Variants in JAZF1 observed in about 807,000 individuals in gnomAD.
JAZF1 encodes the protein juxtaposed with another zinc finger protein 1.
JAZF1 carries 8 observed loss-of-function variants against 26.4 expected under a neutral mutation model. The ratio of observed to expected loss-of-function variants is 0.30; its 90% CI spans 0.18 to 0.55. The LOEUF (loss-of-function observed/expected upper bound fraction) is 0.55. Among genes scored for constraint, JAZF1 ranks in the 20% least tolerant of loss-of-function variants. JAZF1 has a pLI of 0.94. For missense variants in JAZF1, 199 were observed against 322.0 expected (o/e 0.62, Z 2.92); for synonymous variants, 126 against 122.3 (o/e 1.03, Z -0.20).
chr7:27,887,116 G>T (rs113427075), intron 3 of JAZF1, among the ~76,000 whole-genome samples: 1 of 152,086 alleles, frequency 6.6e-6, no homozygotes, highest in African/African-American at 2.4e-5. Flanking sequence ...GGGGCCTTTC[G>T]GAGGGTGGAG....
rs62449880 is a variant in JAZF1 at position 28,029,932 on chromosome 7, C to T, written c.116-37951G>A. 5.3e-5 allele frequency among the ~76,000 whole-genome samples: 8 copies of T among 152,316 alleles called. No homozygotes were observed. The East Asian group carries it at 1.5e-3, about 29-fold the overall frequency. On this transcript the variant is annotated intron_variant, in intron 1 of 4. Coordinates refer to ENST00000283928, the MANE Select transcript of JAZF1 (RefSeq NM_175061.4). Reference sequence around the variant, plus strand: ...TCAAGGGGTTGAGGTGAATGGAGCACTGGCCTCAGGTATACCTGGGTTAAA... The same window carrying T: ...TCAAGGGGTTGAGGTGAATGGAGCATTGGCCTCAGGTATACCTGGGTTAAA...
intron 1 of JAZF1, among the ~76,000 whole-genome samples, chr7:28,107,831 G>A (rs902046498): frequency 3.3e-5 from 5 of 152,154 alleles, no homozygotes; most frequent in African/African-American, 1.2e-4. Context: ...CAGACCCTAC[G>A]ATGGACCTAA....
At chr7:27,956,645 G>GCCCT (rs1785098218) in intron 2 of JAZF1, among the ~76,000 whole-genome samples, 1 of 152,138 alleles carries the variant, frequency 6.6e-6, no homozygotes, top group Admixed American at 6.5e-5. Flanking sequence ...GGAAGAAAGG[G>GCCCT]CCCTATGTGG....
intron 2 of JAZF1, among the ~76,000 whole-genome samples, chr7:27,982,312 A>C (rs545127028): frequency 1.0e-5 from 1 of 97,890 alleles, no homozygotes; most frequent in East Asian, 6.0e-4. Flanking sequence ...TATCCCGCGC[A>C]TGGCTCAGAG....
chr7:28,158,273 G>A (rs145633979), intron 1 of JAZF1, among the ~76,000 whole-genome samples: 1 of 152,014 alleles, frequency 6.6e-6, no homozygotes, highest in East Asian at 1.9e-4. Flanking sequence ...TGGTCCATAG[G>A]GGACTGACAG....
chr7:28,043,988 G>C (rs986606030), intron 1 of JAZF1, among the ~76,000 whole-genome samples: 7 of 152,132 alleles, frequency 4.6e-5, no homozygotes, highest in African/African-American at 1.7e-4. Context: ...GGGGAGGGTG[G>C]AGTAGGAAGA....
chr7:27,858,724 T>C (rs147669955), intron 3 of JAZF1, among the ~76,000 whole-genome samples: 1,678 of 152,200 alleles, frequency 0.011, 34 homozygotes, highest in African/African-American at 0.038. Flanking sequence ...TATACAAAAA[T>C]TAACTGAACA....
intron 3 of JAZF1, among the ~76,000 whole-genome samples, chr7:27,857,548 G>A (rs1173269316): frequency 3.3e-5 from 5 of 152,238 alleles, no homozygotes; most frequent in African/African-American, 1.2e-4. Context: ...GGCTGCGAGG[G>A]CTGCCAGCAT....
chr7:28,045,052 G>A (rs1016365596), intron 1 of JAZF1, among the ~76,000 whole-genome samples: 7 of 152,046 alleles, frequency 4.6e-5, no homozygotes, highest in Non-Finnish European at 1.5e-5. Flanking sequence ...CTAGCCTAAG[G>A]GGCAGGCAGG....
At chr7:27,835,473 G>A (rs1412931227) in intron 4 of JAZF1, among the ~76,000 whole-genome samples, 2 of 152,164 alleles carry the variant, frequency 1.3e-5, no homozygotes, top group East Asian at 1.9e-4. Flanking sequence ...ATGAGACTGT[G>A]AAGAAAACAG....
rs1169638277 is a variant in JAZF1, at chr7:27,900,295, ATAAT to A, written c.189-4883_189-4880del. ...CGTTATTAAAAACTAAATGACGTAAATAATTAAATCAAGTGCTTTGTTAAAAACA... is the reference window on the plus strand; with the variant it reads ...CGTTATTAAAAACTAAATGACGTAAATAAATCAAGTGCTTTGTTAAAAACA... On this transcript the variant is annotated intron_variant, in intron 2 of 4. Transcript: ENST00000283928. Among the ~76,000 whole-genome samples, 15 of 152,366 alleles carry A rather than the reference ATAAT, an allele frequency of 9.8e-5. No individual in the cohort carries two copies. In the East Asian group the frequency reaches 2.7e-3, roughly 27 times the overall value.
chr7:28,034,047 C>T (rs1783238327), intron 1 of JAZF1, among the ~76,000 whole-genome samples: 1 of 151,980 alleles, frequency 6.6e-6, no homozygotes, highest in African/African-American at 2.4e-5. Context: ...CCAGCTGGAA[C>T]TCTTAATTCT....
chr7:27,908,979 C>G (rs977291670), intron 2 of JAZF1, among the ~76,000 whole-genome samples: 3 of 149,492 alleles, frequency 2.0e-5, no homozygotes, highest in Non-Finnish European at 4.4e-5. Flanking sequence ...TTAGGTTATT[C>G]AGGTAAGTAC....
At chr7:27,965,075 A>G (rs1785251527) in intron 2 of JAZF1, among the ~76,000 whole-genome samples, 1 of 152,216 alleles carries the variant, frequency 6.6e-6, no homozygotes, top group Admixed American at 6.5e-5. Context: ...ATAGATACTG[A>G]CACTGCATAT....
chr7:28,096,065 T>A (rs1784379244), intron 1 of JAZF1, among the ~76,000 whole-genome samples: 1 of 151,988 alleles, frequency 6.6e-6, no homozygotes, highest in Admixed American at 6.6e-5. Flanking sequence ...ACATATGAAA[T>A]TTGGGGGGGG....
intron 3 of JAZF1, among the ~76,000 whole-genome samples, chr7:27,859,190 G>T (rs1174131655): frequency 6.6e-6 from 1 of 152,202 alleles, no homozygotes; most frequent in Non-Finnish European, 1.5e-5. Flanking sequence ...TCTCACTCCA[G>T]TTAAAATGGG....
chr7:27,849,132 CCT>C lies in JAZF1; in HGVS notation c.386-8267_386-8266del, dbSNP rs199717479. Among the ~76,000 whole-genome samples, 1,202 of 152,290 alleles carry C rather than the reference CCT, an allele frequency of 7.9e-3. 18 individuals carry two copies. Among genetic ancestry groups the C allele is most frequent in the African/African-American group, 0.027 (1,122 of 41,558 alleles). On this transcript the variant is annotated intron_variant, in intron 3 of 4. Transcript: ENST00000283928. ...TGATTTATTTTTAAATTGAATATCC[CCT>C]GTGTGACGGGGAGAACAGAGACGCG...
At chr7:28,121,676 C>T (rs1022784666) in intron 1 of JAZF1, among the ~76,000 whole-genome samples, 1 of 152,120 alleles carries the variant, frequency 6.6e-6, no homozygotes, top group Non-Finnish European at 1.5e-5. Flanking sequence ...TACACGTGAC[C>T]AATGTAGATA....
intron 3 of JAZF1, among the ~76,000 whole-genome samples, chr7:27,853,800 G>A (rs1053090521): frequency 6.6e-6 from 1 of 152,080 alleles, no homozygotes; most frequent in Non-Finnish European, 1.5e-5. Context: ...CCAATTATGT[G>A]GTCAATTTTA....
Sources: gnomAD v4.1 joint callset for allele counts (sites outside exome capture counted in the v4.1 genomes callset) on GRCh38, gnomAD v4.1.1 for gene constraint, MANE v1.5 for transcripts, NCBI Gene and HGNC (gene_info 2026-07-23, HGNC 2026-07-21) for gene names.